ACAP2: variants seen among roughly 807,000 people sequenced by gnomAD.
ACAP2 encodes arf-GAP with coiled-coil, ANK repeat and PH domain-containing protein 2.
A neutral mutation model predicts 115.8 loss-of-function variants in ACAP2; 39 were observed. That is an observed-to-expected ratio of 0.34 (90% confidence interval 0.26 to 0.44). The LOEUF is 0.44. Among genes scored for constraint, ACAP2 ranks in the 20% least tolerant of loss-of-function variants. The pLI is 1.00. For missense variants in ACAP2, 662 were observed against 927.6 expected (o/e 0.71, Z 3.72); for synonymous variants, 289 against 315.8 (o/e 0.92, Z 0.90).
chr3:195,321,316 G>A (rs150792019), intron 9 of ACAP2, among the ~76,000 whole-genome samples: 2,004 of 142,388 alleles, frequency 0.014, 33 homozygotes, highest in African/African-American at 0.047. Context: ...TCTGCCTCCC[G>A]GGTTCAAGTG....
chr3:195,276,448 T>C lies in ACAP2; in HGVS notation c.*2880A>G, dbSNP rs1726188130. 1 of 152,226 alleles carries C rather than the reference T, an allele frequency of 6.6e-6. No homozygotes were observed. Among genetic ancestry groups the C allele is most frequent in the African/African-American group, 2.4e-5 (1 of 41,466 alleles). 9.4% of individuals were successfully genotyped at this position (152,226 alleles called of 1,614,324 possible). On this transcript the variant is annotated 3_prime_UTR_variant, in exon 23 of 23. Coordinates refer to ENST00000326793, the MANE Select transcript of ACAP2 (RefSeq NM_012287.6). ...CATTTGCAAATGACTGCTCAATTAC[T>C]TTTATTCTAGCTCTAACATGAAATT...
chr3:195,294,605 AAAATTAT>A lies in ACAP2; in HGVS notation c.1765+107_1765+113del, dbSNP rs1363442710. 3.7e-3 allele frequency: 332 copies of A among 88,862 alleles called. 3 individuals are homozygous for A. The highest frequency in any genetic ancestry group is 0.012 in the African/African-American group (232 of 18,992). 5.5% of individuals were successfully genotyped at this position (88,862 alleles called of 1,614,324 possible). A position where few individuals can be genotyped will look rare whatever the true frequency, so the allele number is the denominator to read the frequency against. ...AAAAAAAAAGAAGAAAAAAAAAAAA[AAAATTAT>A]ATATATATATATATATATAATTTTT... On this transcript the variant is annotated intron_variant, in intron 18 of 22. Transcript: ENST00000326793.
Position 195,373,533 on chromosome 3 carries a change from C to T in ACAP2, c.285+7476G>A, listed in dbSNP as rs150021447. On this transcript the variant is annotated intron_variant, in intron 4 of 22. Coordinates refer to ENST00000326793, the MANE Select transcript of ACAP2 (RefSeq NM_012287.6). ...CTTGGGAGGAATAATTCTCAACTTG[C>T]AGATTTGTTTAACACTAGTTATTGA... 3.1e-4 allele frequency among the ~76,000 whole-genome samples: 47 copies of T among 152,208 alleles called. 1 individual carries two copies. Among genetic ancestry groups the T allele is most frequent in the African/African-American group, 9.1e-4 (38 of 41,538 alleles).
In ACAP2 at chr3:195,442,997, G is replaced by A; in HGVS notation, c.-150C>T. ...GCCTCGCCCGCTGGTCATAGCAGCC[G>A]CGAAGACGGCGACGACTAGTCAGGC... is the stretch of plus-strand genomic sequence containing the variant. On this transcript the variant is annotated 5_prime_UTR_variant, in exon 1 of 23. Transcript: ENST00000326793. 1.7e-6 allele frequency: 1 copy of A among 605,948 alleles called. No homozygotes were observed. The allele number at this position is 605,948 out of a possible 1,614,324, so 37.5% of individuals were successfully genotyped here.
intron 4 of ACAP2, among the ~76,000 whole-genome samples, chr3:195,361,141 G>C (rs568389522): frequency 3.9e-5 from 6 of 152,078 alleles, no homozygotes; most frequent in Non-Finnish European, 8.8e-5. Flanking sequence ...GAATAGATTA[G>C]GAAAGAAACT....
At chr3:195,343,702 C>A (rs547890189) in intron 5 of ACAP2, among the ~76,000 whole-genome samples, 80 of 152,286 alleles carry the variant, frequency 5.3e-4, no homozygotes, top group Middle Eastern at 6.8e-3. Flanking sequence ...TTTTAATAGT[C>A]TGAAAATCTG....
intron 4 of ACAP2, among the ~76,000 whole-genome samples, chr3:195,364,468 G>C (rs1345429628): frequency 6.6e-6 from 1 of 152,122 alleles, no homozygotes; most frequent in Non-Finnish European, 1.5e-5. Context: ...CACTTAGGGA[G>C]GCCGAGGCAG....
intron 11 of ACAP2, among the ~76,000 whole-genome samples, chr3:195,307,917 T>G (rs1728522730): frequency 6.6e-6 from 1 of 152,164 alleles, no homozygotes; most frequent in Non-Finnish European, 1.5e-5. Context: ...TCATATTGTG[T>G]CATCTCAAGA....
chr3:195,413,840 T>C (rs1434368431), intron 1 of ACAP2, among the ~76,000 whole-genome samples: 1 of 151,928 alleles, frequency 6.6e-6, no homozygotes, highest in Non-Finnish European at 1.5e-5. Flanking sequence ...CCAGGCGTGA[T>C]GGTGCACGCC....
At chr3:195,342,359 T>C in intron 6 of ACAP2, 112 bp downstream of exon 6, 1 of 1,080,892 alleles carries the variant, frequency 9.3e-7, no homozygotes. Flanking sequence ...GATTATGTTT[T>C]AACTTTAAGT....
intron 6 of ACAP2, among the ~76,000 whole-genome samples, chr3:195,338,635 T>C (rs1249684980): frequency 6.6e-6 from 1 of 152,194 alleles, no homozygotes; most frequent in Non-Finnish European, 1.5e-5. Flanking sequence ...TTTAAGTAAA[T>C]GTTTTAATTA....
rs759881424 is a variant in ACAP2, at chr3:195,308,790, A to C, written c.905T>G (p.Phe302Cys). The stretch of plus-strand genomic sequence containing the variant: ...GTTTCATTTATTAACACCTACCTTA[A>C]ATTTTTTCTGGTAAACCAACTGATT... ...QNNQLVYQKK[F>C]KDNPTVVVED... The change falls in exon 11 of 23, where the codon TTT (phenylalanine) becomes TGT (cysteine). Residue 302 changes from phenylalanine to cysteine, a missense_variant. By Grantham distance (205) the Phe-to-Cys change is radical. This residue lies in a region of ACAP2 where 401 missense variants were observed against 604.4 expected (regional missense o/e 0.66). Transcript: ENST00000326793. The C allele has an allele frequency of 6.2e-7, 1 of 1,609,492 alleles. No homozygotes were observed. The highest frequency in any genetic ancestry group is 8.5e-7 in the Non-Finnish European group (1 of 1,178,652).
intron 4 of ACAP2, among the ~76,000 whole-genome samples, chr3:195,369,949 TTC>T (rs1733006185): frequency 6.6e-6 from 1 of 152,214 alleles, no homozygotes; most frequent in South Asian, 2.1e-4. Flanking sequence ...TTAATACCTA[TTC>T]TGACTGGTGT....
chr3:195,330,150 C>T (rs1008019201), intron 8 of ACAP2, among the ~76,000 whole-genome samples: 4 of 152,298 alleles, frequency 2.6e-5, no homozygotes, highest in South Asian at 4.2e-4. Context: ...ACTTAGACGT[C>T]TTATCCTCAC....
At position 195,376,703 on chromosome 3, in the gene ACAP2, A is replaced by C. The variant is rs113666034; in HGVS notation, c.285+4306T>G. ...TTTTATTAAATGACTGGACAATCTG[A>C]CTCCAACATATGTTTAATCTTTACG... On this transcript the variant is annotated intron_variant, in intron 4 of 22. Coordinates refer to ENST00000326793, the MANE Select transcript of ACAP2 (RefSeq NM_012287.6). Among the ~76,000 whole-genome samples, 111 of 152,224 alleles carry C rather than the reference A, an allele frequency of 7.3e-4. 1 individual carries two copies. Among genetic ancestry groups the C allele is most frequent in the African/African-American group, 2.5e-3 (105 of 41,534 alleles).
chr3:195,434,293 C>T (rs1232343797), intron 1 of ACAP2, among the ~76,000 whole-genome samples: 4 of 151,968 alleles, frequency 2.6e-5, no homozygotes, highest in East Asian at 1.9e-4. Flanking sequence ...AGTGCAGTGG[C>T]GCAAATACAG....
rs541595441 is a variant in ACAP2 at position 195,278,222 on chromosome 3, C to T, written c.*1106G>A. 3 of 152,026 alleles carry T rather than the reference C, an allele frequency of 2.0e-5. No homozygotes were observed. Among genetic ancestry groups the T allele is most frequent in the African/African-American group, 7.2e-5 (3 of 41,452 alleles). 9.4% of individuals were successfully genotyped at this position (152,026 alleles called of 1,614,324 possible). Reference sequence around the variant, plus strand: ...ATTCAGGGGTCTGTGAATCATGTAACCGAATACTAAAGCTATATACACGAT... The same window carrying T: ...ATTCAGGGGTCTGTGAATCATGTAATCGAATACTAAAGCTATATACACGAT... On this transcript the variant is annotated 3_prime_UTR_variant, in exon 23 of 23. Coordinates refer to ENST00000326793, the MANE Select transcript of ACAP2 (RefSeq NM_012287.6).
Position 195,341,321 on chromosome 3 carries a change from G to GTTTT in ACAP2, c.528+1146_528+1149dup, listed in dbSNP as rs377628235. ...TTCGTTTGTTTGTTTTATTGTGTGG[G>GTTTT]TTTTTTTTTTTTTTTTTTTTTGAGA... On this transcript the variant is annotated intron_variant, in intron 6 of 22. Transcript: ENST00000326793. Among the ~76,000 whole-genome samples the GTTTT allele has an allele frequency of 8.2e-3, 880 of 106,956 alleles. 67 individuals carry two copies. The highest frequency in any genetic ancestry group is 0.026 in the South Asian group (82 of 3,194). 70.2% of individuals were successfully genotyped at this position (106,956 alleles called of 152,430 possible).
intron 1 of ACAP2, among the ~76,000 whole-genome samples, chr3:195,437,885 C>CTT (rs1186712431): frequency 0.029 from 2,672 of 90,696 alleles, 164 homozygotes; most frequent in African/African-American, 0.084. Context: ...ACTTTACATG[C>CTT]TTTTTTTTTT....
Sources: allele counts gnomAD v4.1 joint callset (sites outside exome capture counted in the v4.1 genomes callset), GRCh38; gene constraint gnomAD v4.1.1; regional missense constraint gnomAD v4.1.1; transcripts MANE v1.5; gene names NCBI Gene and HGNC (gene_info 2026-07-23, HGNC 2026-07-21).